The following GRIP1 variants were observed in gnomAD, a reference collection of about 807,000 sequenced individuals.
GRIP1 encodes glutamate receptor-interacting protein 1.
Under a neutral mutation model 129.9 loss-of-function variants are expected in GRIP1, and 45 were observed. That is an observed-to-expected ratio of 0.35 (90% CI 0.27 to 0.44). GRIP1 has a LOEUF of 0.44. Among genes scored for constraint, GRIP1 ranks in the 20% least tolerant of loss-of-function variants. The probability of loss-of-function intolerance (pLI) is 1.00; values close to 1 mark genes in which losing one functional copy is unlikely to be tolerated. For synonymous variants in GRIP1, 530 were observed against 520.8 expected, an observed-to-expected ratio of 1.02 and a Z score of -0.24; for missense variants, 1,196 against 1,396.8, an observed-to-expected ratio of 0.86 and a Z score of 2.29.
chr12:66,818,291 C>T (rs1216144557), intron 1 of GRIP1, among the ~76,000 whole-genome samples: 2 of 152,166 alleles, frequency 1.3e-5, no homozygotes, highest in Non-Finnish European at 2.9e-5. Context: ...TCCAAAAAGT[C>T]AGTAAGTATA....
intron 23 of GRIP1, among the ~76,000 whole-genome samples, chr12:66,361,828 C>T (rs544627056): frequency 2.6e-5 from 4 of 152,300 alleles, no homozygotes; most frequent in Admixed American, 6.5e-5. Context: ...GATTGACCTC[C>T]GTTCCTCTCA....
At position 66,462,989 on chromosome 12, in the gene GRIP1, T is replaced by G. The variant is rs2059179023; in HGVS notation, c.977A>C (p.Asp326Ala). Residue 326 changes from aspartate (D) to alanine (A), a missense_variant, in exon 9 of 25, where the codon GAC (aspartate) becomes GCC (alanine). This residue lies in a region of GRIP1 where 508 missense variants were observed against 587.0 expected (regional missense o/e 0.87). Coordinates refer to ENST00000359742, the MANE Select transcript of GRIP1 (RefSeq NM_001366722.1). ...EATQFLANTT[D>A]QVKLEILPHH... is the part of the protein sequence containing the mutation. ...GGGAAGGATCTCAAGCTTGACCTGG[T>G]CAGTGGTGTTGGCCAGGAACTGGGT... 1.9e-6 allele frequency: 3 copies of G among 1,613,948 alleles called. No individual in the cohort carries two copies. Among genetic ancestry groups the G allele is most frequent in the Non-Finnish European group, 2.5e-6 (3 of 1,179,926 alleles).
At chr12:66,791,209 G>A (rs1433401926) in intron 1 of GRIP1, among the ~76,000 whole-genome samples, 1 of 152,164 alleles carries the variant, frequency 6.6e-6, no homozygotes, top group Non-Finnish European at 1.5e-5. Flanking sequence ...GTGCTGCATA[G>A]TGGAAGTTTT....
intron 1 of GRIP1, among the ~76,000 whole-genome samples, chr12:67,035,957 C>A (rs2043088081): frequency 6.6e-6 from 1 of 152,114 alleles, no homozygotes; most frequent in Non-Finnish European, 1.5e-5. Flanking sequence ...CCAGTTCCCC[C>A]ACAGAATACA....
intron 1 of GRIP1, among the ~76,000 whole-genome samples, chr12:66,932,969 A>G (rs1473313309): frequency 6.6e-6 from 1 of 152,190 alleles, no homozygotes; most frequent in Non-Finnish European, 1.5e-5. Context: ...GCCCAGCCCA[A>G]TATCAGTGTA....
chr12:66,633,971 A>G (rs1293327977), intron 1 of GRIP1, among the ~76,000 whole-genome samples: 2 of 152,230 alleles, frequency 1.3e-5, no homozygotes, highest in African/African-American at 4.8e-5. Context: ...TATGATTCAT[A>G]TCCTTTCCTT....
intron 1 of GRIP1, among the ~76,000 whole-genome samples, chr12:66,611,963 A>C (rs757206642): frequency 2.0e-5 from 3 of 152,196 alleles, no homozygotes; most frequent in Non-Finnish European, 4.4e-5. Context: ...GACAGGTTTT[A>C]TATCATAAAA....
At chr12:66,823,566 C>A (rs1215521950) in intron 1 of GRIP1, among the ~76,000 whole-genome samples, 1 of 152,046 alleles carries the variant, frequency 6.6e-6, no homozygotes, top group African/African-American at 2.4e-5. Context: ...ACCTAATACA[C>A]CATATCTATC....
intron 13 of GRIP1, among the ~76,000 whole-genome samples, chr12:66,442,690 C>T (rs1565741596): frequency 6.6e-6 from 1 of 151,188 alleles, no homozygotes; most frequent in Non-Finnish European, 1.5e-5. Context: ...CACCACCATG[C>T]CAGGCTAATT....
At chr12:66,828,476 C>A (rs1413906188) in intron 1 of GRIP1, among the ~76,000 whole-genome samples, 1 of 152,162 alleles carries the variant, frequency 6.6e-6, no homozygotes, top group Non-Finnish European at 1.5e-5. Flanking sequence ...TTCCCTATCA[C>A]TTTTACATTT....
intron 1 of GRIP1, among the ~76,000 whole-genome samples, chr12:66,986,406 T>C (rs983494626): frequency 6.0e-5 from 9 of 150,972 alleles, no homozygotes; most frequent in African/African-American, 9.8e-5. Context: ...CTATTCACAA[T>C]AGCAAAGACT....
intron 1 of GRIP1, among the ~76,000 whole-genome samples, chr12:67,033,631 A>G (rs770595138): frequency 2.2e-4 from 33 of 152,110 alleles, no homozygotes; most frequent in Non-Finnish European, 4.1e-4. Flanking sequence ...CCTGAGATTC[A>G]GAGCTCATCA....
intron 1 of GRIP1, among the ~76,000 whole-genome samples, chr12:66,825,946 T>A (rs1409324915): frequency 6.6e-6 from 1 of 152,144 alleles, no homozygotes; most frequent in Non-Finnish European, 1.5e-5. Flanking sequence ...GACACAGCAA[T>A]CTCATTACTG....
intron 7 of GRIP1, among the ~76,000 whole-genome samples, chr12:66,510,316 G>A (rs2060660029): frequency 6.6e-6 from 1 of 152,038 alleles, no homozygotes; most frequent in Admixed American, 6.6e-5. Context: ...ACGCATTCCT[G>A]GTTAACTACT....
chr12:67,028,338 C>T (rs1161304733), intron 1 of GRIP1, among the ~76,000 whole-genome samples: 1 of 152,160 alleles, frequency 6.6e-6, no homozygotes, highest in Non-Finnish European at 1.5e-5. Flanking sequence ...TTTTTAAAAA[C>T]TGAACATTAA....
chr12:66,355,687 C>T (rs1464085146), intron 23 of GRIP1, among the ~76,000 whole-genome samples: 1 of 152,114 alleles, frequency 6.6e-6, no homozygotes, highest in East Asian at 1.9e-4. Context: ...GAGGGGAAGA[C>T]TTTGCTGGTG....
Position 66,740,437 on chromosome 12 carries a change from C to T in GRIP1, c.-420+63616G>A, listed in dbSNP as rs140188129. ...AAGGATGTTAAGACTGCAGTCACTC[C>T]GGTTTTTCTCCTAGAATCTGAACTG... On this transcript the variant is annotated intron_variant, in intron 1 of 4. Coordinates refer to the GRIP1 transcript ENST00000538373. Among the ~76,000 whole-genome samples the T allele has an allele frequency of 4.4e-3, 669 of 152,234 alleles. 4 individuals are homozygous for T. Among genetic ancestry groups the T allele is most frequent in the African/African-American group, 0.015 (623 of 41,532 alleles).
At chr12:66,405,760 G>C (rs1303822843) in intron 16 of GRIP1, among the ~76,000 whole-genome samples, 1 of 152,118 alleles carries the variant, frequency 6.6e-6, no homozygotes, top group Non-Finnish European at 1.5e-5. Flanking sequence ...GCTGGATAAA[G>C]ATATCTATGC....
At chr12:66,641,531 A>G (rs911670906) in intron 1 of GRIP1, among the ~76,000 whole-genome samples, 1 of 152,230 alleles carries the variant, frequency 6.6e-6, no homozygotes, top group Non-Finnish European at 1.5e-5. Flanking sequence ...CCGTTTTTCT[A>G]TAAAAATTAT....
Sources: allele counts gnomAD v4.1 joint callset (sites outside exome capture counted in the v4.1 genomes callset), GRCh38; gene constraint gnomAD v4.1.1; regional missense constraint gnomAD v4.1.1; transcripts MANE v1.5; gene names NCBI Gene and HGNC (gene_info 2026-07-23, HGNC 2026-07-21).